Variants in MYH9 observed in about 807,000 individuals in gnomAD.
MYH9 encodes the protein myosin-9.
Under a neutral mutation model 241.9 loss-of-function variants are expected in MYH9, and 29 were observed. The observed-to-expected ratio is 0.12, with a 90% CI of 0.09 to 0.16. The LOEUF is 0.16. Among genes scored for constraint, MYH9 ranks in the 10% least tolerant of loss-of-function variants. MYH9 has a pLI of 1.00. For synonymous variants in MYH9, 1,047 were observed against 1,062.6 expected (o/e 0.99, Z 0.29); for missense variants, 1,803 against 2,595.5 (o/e 0.69, Z 6.63).
intron 1 of MYH9, among the ~76,000 whole-genome samples, chr22:36,369,136 T>TCC (rs1228434925): frequency 6.6e-6 from 1 of 152,196 alleles, no homozygotes; most frequent in African/African-American, 2.4e-5. Context: ...GACACACAGC[T>TCC]AGTCAATGGC....
chr22:36,293,972 G>T lies in MYH9; in HGVS notation c.3838-109C>A. ...ACCTGAGTCACAAGCTGAACCATGA[G>T]GGTCTGAGGAGCCAGTTTGAGAAGA... On this transcript the variant is annotated intron_variant, in intron 28 of 40. Transcript: ENST00000216181. This position sits in a 1 kb window ranked among gnomAD's most constrained non-coding sequence, Gnocchi z 5.1. The T allele has an allele frequency of 6.9e-7, 1 of 1,455,508 alleles. No individual in the cohort carries two copies. 90.2% of individuals were successfully genotyped at this position (1,455,508 alleles called of 1,614,324 possible).
At chr22:36,301,726 G>C (rs774561678) in intron 20 of MYH9, 61 bp from the exon 21 acceptor site, 400 of 1,600,046 alleles carry the variant, frequency 2.5e-4, no homozygotes, top group Non-Finnish European at 3.2e-4. Context: ...TCTGCCAACA[G>C]GTGTGAGGCC....
chr22:36,289,261 C>A lies in MYH9; in HGVS notation c.4381G>T (p.Ala1461Ser). Reference protein sequence around the residue: ...AEEKTISAKYAEERDRAEAEA... With the variant: ...AEEKTISAKYSEERDRAEAEA... ...GCCTCAGCCCGGTCGCGCTCCTCTGCATACTTGGCAGAGATGGTCTTCTCC... is the reference window on the plus strand; with the variant it reads ...GCCTCAGCCCGGTCGCGCTCCTCTGAATACTTGGCAGAGATGGTCTTCTCC... Residue 1461 changes from alanine to serine, a missense_variant, in exon 32 of 41, where the codon GCA becomes TCA. By Grantham distance (99) the Ala-to-Ser change is moderately conservative (BLOSUM62 1). Around this residue, in one of 11 missense-constraint regions of MYH9, gnomAD observed 876 missense variants for 1,077.8 expected, o/e 0.81. Transcript: ENST00000216181. 1 of 1,612,694 alleles carries A rather than the reference C, an allele frequency of 6.2e-7. No homozygotes were observed. Among genetic ancestry groups the A allele is most frequent in the Non-Finnish European group, 8.5e-7 (1 of 1,179,940 alleles).
intron 1 of MYH9, among the ~76,000 whole-genome samples, chr22:36,354,544 A>C (rs2017821015): frequency 6.6e-6 from 1 of 151,266 alleles, no homozygotes; most frequent in Non-Finnish European, 1.5e-5. Context: ...TCCCAGGTTC[A>C]AGCGATTCTC....
intron 25 of MYH9, 116 bp downstream of exon 25, chr22:36,296,727 A>C: frequency 8.1e-7 from 1 of 1,232,730 alleles, no homozygotes; most frequent in Non-Finnish European, 1.1e-6. Context: ...TGGCTCTTTT[A>C]AGACAACAGT....
intron 12 of MYH9, 138 bp downstream of exon 12, chr22:36,316,379 C>A: frequency 1.6e-6 from 2 of 1,282,266 alleles, no homozygotes; most frequent in South Asian, 1.2e-5. Flanking sequence ...CAACCCCACA[C>A]CCAACCAAAG....
At chr22:36,314,015 T>G in intron 13 of MYH9, 130 bp downstream of exon 13, 1 of 1,243,094 alleles carries the variant, frequency 8.0e-7, no homozygotes, top group Non-Finnish European at 1.2e-6. Context: ...GGCTTCATCC[T>G]CCGGGTGGCA....
intron 2 of MYH9, among the ~76,000 whole-genome samples, chr22:36,347,754 G>A: frequency 6.7e-6 from 1 of 150,002 alleles, no homozygotes; most frequent in East Asian, 2.0e-4. Context: ...TGGATCACGA[G>A]GTCAGGAGTT....
In MYH9 at chr22:36,349,180, A is replaced by G. The variant is rs778935222; in HGVS notation, c.57T>C (p.Asn19=). Residue 19 remains asparagine, a synonymous_variant, in exon 2 of 41, where the codon AAT becomes AAC. Coordinates refer to ENST00000216181, the MANE Select transcript of MYH9 (RefSeq NM_002473.6). ...CAGCCCAGTCGGCCTGGGCCAGCGGATTGTTGATGAAGTTTTTATCCACAT... is the reference window on the plus strand; with the variant it reads ...CAGCCCAGTCGGCCTGGGCCAGCGGGTTGTTGATGAAGTTTTTATCCACAT... ...YLYVDKNFIN[N]PLAQADWAAK... is the part of the protein sequence containing the mutation. The G allele has an allele frequency of 1.2e-5, 20 of 1,614,098 alleles. No homozygotes were observed. Among genetic ancestry groups the G allele is most frequent in the Non-Finnish European group, 5.9e-6 (7 of 1,180,036 alleles).
At chr22:36,309,476 C>A in intron 14 of MYH9, 80 bp from the exon 15 acceptor site, 2 of 1,071,184 alleles carry the variant, frequency 1.9e-6, no homozygotes, top group Non-Finnish European at 2.9e-6. Flanking sequence ...CACAGGCTAA[C>A]CCCATGCATG....
At position 36,346,101 on chromosome 22, in the gene MYH9, G is replaced by T. The variant is rs899716315; in HGVS notation, c.333+2803C>A. On this transcript the variant is annotated intron_variant, in intron 2 of 40. Transcript: ENST00000216181. ...GGCAGAGGTTGCAATGAGCCAAGAT[G>T]GCACCACACCACTGCACGCCAGCCT... Among the ~76,000 whole-genome samples the T allele has an allele frequency of 8.0e-5, 12 of 150,468 alleles. No individual in the cohort carries two copies. The South Asian group carries it at 1.0e-3, about 13-fold the overall frequency.
In MYH9 at chr22:36,341,432, C is replaced by T. The variant is rs780891211; in HGVS notation, c.428G>A (p.Arg143Lys). 1 of 1,614,190 alleles carries T rather than the reference C, an allele frequency of 6.2e-7. No individual in the cohort carries two copies. Among genetic ancestry groups the T allele is most frequent in the Non-Finnish European group, 8.5e-7 (1 of 1,180,028 alleles). The part of the protein sequence containing the change: ...EIVEMYKGKK[R>K]HEMPPHIYAI... ...ATAGATGTGAGGGGGCATCTCGTGCCTCTTCTTGCCCTTGTACATTTCCAC... is the reference window on the plus strand; with the variant it reads ...ATAGATGTGAGGGGGCATCTCGTGCTTCTTCTTGCCCTTGTACATTTCCAC... Residue 143 changes from arginine (R) to lysine (K), a missense_variant, in exon 3 of 41, where the codon AGG (arginine) becomes AAG (lysine). Physicochemically the swap from Arg to Lys is conservative, Grantham distance 26. This residue lies in a region of MYH9 where 72 missense variants were observed against 134.3 expected (regional missense o/e 0.54). Transcript: ENST00000216181.
chr22:36,324,837 C>T (rs1225652866), intron 5 of MYH9, among the ~76,000 whole-genome samples: 1 of 152,232 alleles, frequency 6.6e-6, no homozygotes, highest in Admixed American at 6.5e-5. Flanking sequence ...GTTTTGACAA[C>T]GTGGCTCCCA....
At chr22:36,301,127 C>T (rs1156612816) in intron 21 of MYH9, 70 bp from the exon 22 acceptor site, 30 of 1,448,676 alleles carry the variant, frequency 2.1e-5, no homozygotes, top group African/African-American at 1.7e-4. Flanking sequence ...CAAGGACGGA[C>T]GCCATGGCTC....
At chr22:36,332,661 T>TAAAAAAAAAA (rs67602880) in intron 3 of MYH9, among the ~76,000 whole-genome samples, 3 of 44,506 alleles carry the variant, frequency 6.7e-5, no homozygotes, top group African/African-American at 2.0e-4. Flanking sequence ...TCTGGATAAT[T>TAAAAAAAAAA]AAAAAAAAAA....
rs777701033 is a variant in MYH9, at chr22:36,285,755, C to T, written c.5177G>A (p.Arg1726His). The T allele has an allele frequency of 6.8e-6, 11 of 1,610,564 alleles. No individual in the cohort carries two copies. The highest frequency in any genetic ancestry group is 2.7e-5 in the African/African-American group (2 of 74,848). Residue 1726 changes from arginine (R) to histidine (H), a missense_variant, in exon 37 of 41, where the codon CGT becomes CAT. This residue lies in a region of MYH9 where 876 missense variants were observed against 1,077.8 expected (regional missense o/e 0.81). Transcript: ENST00000216181. This position sits in a 1 kb window ranked among gnomAD's most constrained non-coding sequence, Gnocchi z 7.0. ...KGALALEEKRRLEARIAQLEE... is the reference protein window; with the variant it reads ...KGALALEEKRHLEARIAQLEE... ...CAGCTGGGCGATGCGGGCCTCCAGACGCCGCTTCTCCTCTAACGCCAGGGC... is the reference window on the plus strand; with the variant it reads ...CAGCTGGGCGATGCGGGCCTCCAGATGCCGCTTCTCCTCTAACGCCAGGGC...
chr22:36,384,629 T>A (rs1432710727), intron 1 of MYH9, among the ~76,000 whole-genome samples: 23 of 83,526 alleles, frequency 2.8e-4, no homozygotes, highest in African/African-American at 5.7e-4. Flanking sequence ...TATATATATA[T>A]ATATATATAT....
chr22:36,294,896 C>T (rs1407171273), intron 27 of MYH9, 36 bp downstream of exon 27: 2 of 1,607,170 alleles, frequency 1.2e-6, no homozygotes, highest in Admixed American at 1.7e-5. Flanking sequence ...ACGGGGAACC[C>T]TGCCCTCCCC....
intron 40 of MYH9, 105 bp downstream of exon 40, chr22:36,283,988 C>G: frequency 7.1e-7 from 1 of 1,398,824 alleles, no homozygotes; most frequent in Non-Finnish European, 1.0e-6. Flanking sequence ...TTGTGCAGTC[C>G]TTTCTTGGTG....
Sources: allele counts gnomAD v4.1 joint callset (sites outside exome capture counted in the v4.1 genomes callset), GRCh38; gene constraint gnomAD v4.1.1; regional missense constraint gnomAD v4.1.1; non-coding constraint Gnocchi (gnomAD v3.1); transcripts MANE v1.5; gene names NCBI Gene and HGNC (gene_info 2026-07-23, HGNC 2026-07-21).